LAMA3: variants seen among roughly 807,000 people sequenced by gnomAD.
LAMA3 encodes the protein laminin subunit alpha 3.
A neutral mutation model predicts 402.0 loss-of-function variants in LAMA3; 281 were observed. That is an observed-to-expected ratio of 0.70 (90% CI 0.63 to 0.77). LAMA3 has a LOEUF of 0.77. Ranked by LOEUF, LAMA3 falls within the 30% of genes least tolerant of loss-of-function variation. The probability of loss-of-function intolerance (pLI) is 0.00; values close to 1 mark genes in which losing one functional copy is unlikely to be tolerated. For missense variants in LAMA3, 3,840 were observed against 4,215.5 expected, an observed-to-expected ratio of 0.91 and a Z score of 2.47; for synonymous variants, 1,431 against 1,558.4, an observed-to-expected ratio of 0.92 and a Z score of 1.93.
At chr18:23,777,710 C>A in intron 11 of LAMA3, 91 bp downstream of exon 11, 1 of 974,688 alleles carries the variant, frequency 1.0e-6, no homozygotes, top group Non-Finnish European at 1.7e-6. Flanking sequence ...CATCCAAGGC[C>A]AAGTCTCCCT....
chr18:23,769,642 G>A (rs141273201), intron 8 of LAMA3, among the ~76,000 whole-genome samples: 212 of 152,156 alleles, frequency 1.4e-3, no homozygotes, highest in African/African-American at 4.8e-3. Flanking sequence ...AAGGAACAGG[G>A]GATGAAGTGC....
At chr18:23,944,388 G>C (rs927233658) in intron 69 of LAMA3, among the ~76,000 whole-genome samples, 1 of 152,106 alleles carries the variant, frequency 6.6e-6, no homozygotes, top group African/African-American at 2.4e-5. Flanking sequence ...ACCATTTAAG[G>C]CAATAAGGGA....
At chr18:23,760,510 T>C (rs878864982) in intron 7 of LAMA3, among the ~76,000 whole-genome samples, 3 of 152,132 alleles carry the variant, frequency 2.0e-5, no homozygotes, top group African/African-American at 7.2e-5. Flanking sequence ...GAAATTTTGA[T>C]GTAATTAGAA....
chr18:23,949,615 A>G (rs746920489), intron 70 of LAMA3, 150 bp from the exon 71 acceptor site: 7 of 776,614 alleles, frequency 9.0e-6, no homozygotes, highest in Non-Finnish European at 1.6e-5. Flanking sequence ...TTAGAACCTG[A>G]GTTTGAAGAA....
chr18:23,843,772 C>T (rs893956214), intron 29 of LAMA3, among the ~76,000 whole-genome samples: 1 of 152,208 alleles, frequency 6.6e-6, no homozygotes, highest in Non-Finnish European at 1.5e-5. Flanking sequence ...TTATCTTTCT[C>T]TCTGCCATTG....
intron 8 of LAMA3, among the ~76,000 whole-genome samples, chr18:23,770,273 T>C (rs1016319046): frequency 6.6e-6 from 1 of 151,936 alleles, no homozygotes; most frequent in Admixed American, 6.6e-5. Context: ...CAAAACATGC[T>C]ATTAAGAAAA....
In LAMA3 at chr18:23,847,718, C is replaced by T. The variant is rs73398345; in HGVS notation, c.4136+50C>T. 2.0e-4 allele frequency: 316 copies of T among 1,547,814 alleles called. 2 individuals carry two copies. The African/African-American group carries it at 3.9e-3, about 19-fold the overall frequency. On this transcript the variant is annotated intron_variant, in intron 32 of 74. Transcript: ENST00000313654. ...GCTTCTGTCACAGGGAGGTCGCGTG[C>T]CATCTGCCCACACACTGGTCATCGT...
Position 23,904,022 on chromosome 18 carries a change from A to G in LAMA3, c.6408A>G (p.Thr2136=), listed in dbSNP as rs1367641022. The part of the protein sequence containing the change: ...VRELSRSAGK[T]SLVEEAEKHA... ...AACTTTCCAGATCTGCTGGCAAAAC[A>G]TCCCTTGTGGAGGAGGCAGAAAAGC... The change falls in exon 50 of 75, where the codon ACA becomes ACG. Residue 2136 remains threonine, a synonymous_variant. Transcript: ENST00000313654. The G allele has an allele frequency of 3.7e-6, 6 of 1,614,076 alleles. No individual in the cohort carries two copies. Among genetic ancestry groups the G allele is most frequent in the East Asian group, 2.2e-5 (1 of 44,900 alleles).
chr18:23,951,227 G>A (rs932905901), intron 72 of LAMA3, among the ~76,000 whole-genome samples: 6 of 152,212 alleles, frequency 3.9e-5, no homozygotes, highest in Admixed American at 3.9e-4. Context: ...CAATCATTTT[G>A]CTTGTTTAAA....
At chr18:23,831,497 C>T (rs1012252544) in intron 23 of LAMA3, among the ~76,000 whole-genome samples, 9 of 152,054 alleles carry the variant, frequency 5.9e-5, no homozygotes, top group African/African-American at 2.2e-4. Context: ...TCCTTGTCCT[C>T]CACACTCAAC....
chr18:23,864,523 A>G (rs2064304705), intron 35 of LAMA3, among the ~76,000 whole-genome samples: 1 of 152,162 alleles, frequency 6.6e-6, no homozygotes, highest in Non-Finnish European at 1.5e-5. Flanking sequence ...TACTACACCC[A>G]GCCATATTTT....
intron 2 of LAMA3, among the ~76,000 whole-genome samples, chr18:23,741,067 C>T (rs1434656610): frequency 1.3e-5 from 2 of 152,062 alleles, no homozygotes; most frequent in African/African-American, 2.4e-5. Flanking sequence ...CATTCTCCTG[C>T]CTCAGCCTCC....
At chr18:23,835,923 G>C (rs2063572303) in intron 24 of LAMA3, among the ~76,000 whole-genome samples, 1 of 152,152 alleles carries the variant, frequency 6.6e-6, no homozygotes, top group Non-Finnish European at 1.5e-5. Flanking sequence ...AAGTAGTGCT[G>C]TGATAAATCT....
intron 29 of LAMA3, among the ~76,000 whole-genome samples, chr18:23,843,680 A>G (rs930524905): frequency 6.6e-6 from 1 of 152,086 alleles, no homozygotes; most frequent in Non-Finnish European, 1.5e-5. Flanking sequence ...CTGGGCTTCC[A>G]ACAACTGATG....
At chr18:23,890,642 C>T (rs1283396447) in intron 42 of LAMA3, among the ~76,000 whole-genome samples, 1 of 152,082 alleles carries the variant, frequency 6.6e-6, no homozygotes, top group Non-Finnish European at 1.5e-5. Flanking sequence ...GGAAGACTAT[C>T]CTCTTCCTTC....
chr18:23,819,017 A>G (rs182394084), intron 18 of LAMA3, among the ~76,000 whole-genome samples: 22 of 152,314 alleles, frequency 1.4e-4, no homozygotes, highest in Non-Finnish European at 3.1e-4. Context: ...ATGTGTGAAC[A>G]TTTTTAAGGA....
At chr18:23,871,321 T>A in intron 37 of LAMA3, 110 bp from the exon 38 acceptor site, 1 of 824,292 alleles carries the variant, frequency 1.2e-6, no homozygotes, top group Middle Eastern at 2.2e-4. Context: ...CATTTCTCCC[T>A]ATGCATTTTA....
At chr18:23,726,477 G>C (rs1280619012) in intron 2 of LAMA3, among the ~76,000 whole-genome samples, 2 of 152,202 alleles carry the variant, frequency 1.3e-5, no homozygotes, top group African/African-American at 4.8e-5. Flanking sequence ...GTGTCTTTTG[G>C]CTCAGGCGCT....
At position 23,773,526 on chromosome 18, in the gene LAMA3, G is replaced by A; in HGVS notation, c.1212G>A (p.Gln404=). 1 of 1,600,234 alleles carries A rather than the reference G, an allele frequency of 6.2e-7. No individual in the cohort carries two copies. Reference sequence around the variant, plus strand: ...ACACAGCTGGAGTAAACTGTGAACAGTGTGCTAAGGGCTATTACCGCCCTT... The same window carrying A: ...ACACAGCTGGAGTAAACTGTGAACAATGTGCTAAGGGCTATTACCGCCCTT... ...QHNTAGVNCE[Q]CAKGYYRPYG... The change falls in exon 9 of 75, where the codon CAG becomes CAA. Residue 404 remains glutamine (Q), a synonymous_variant. Transcript: ENST00000313654.
Sources: allele counts gnomAD v4.1 joint callset (sites outside exome capture counted in the v4.1 genomes callset), GRCh38; gene constraint gnomAD v4.1.1; transcripts MANE v1.5; gene names NCBI Gene and HGNC (gene_info 2026-07-23, HGNC 2026-07-21).